Variants in ASB18 observed in about 807,000 individuals in gnomAD.
ASB18 encodes the protein ankyrin repeat and SOCS box containing 18.
ASB18 carries 33 observed loss-of-function variants against 33.4 expected under a neutral mutation model. That is an observed-to-expected ratio of 0.99 (90% CI 0.75 to 1.32). ASB18 has a LOEUF of 1.32. Among genes scored for constraint, ASB18 ranks in the 40% most tolerant of loss-of-function variants. The probability of loss-of-function intolerance (pLI) is 0.00; values close to 1 mark genes in which losing one functional copy is unlikely to be tolerated. For synonymous variants in ASB18, 295 were observed against 307.6 expected, an observed-to-expected ratio of 0.96 and a Z score of 0.43; for missense variants, 694 against 655.5, an observed-to-expected ratio of 1.06 and a Z score of -0.64.
rs2060693721 is a variant in ASB18 at position 236,256,692 on chromosome 2, T to C, written c.205+7449A>G. On this transcript the variant is annotated intron_variant, in intron 1 of 5. Transcript: ENST00000409749. The surrounding 1 kb of genome is among the most constrained non-coding windows in gnomAD (Gnocchi z 4.7). ...TTATTAGCCCGTTTCTCAATTTTGA[T>C]TCTGAAAATACCCTGATTTAGTCTA... 6.6e-6 allele frequency among the ~76,000 whole-genome samples: 1 copy of C among 152,230 alleles called. No homozygotes were observed. Among genetic ancestry groups the C allele is most frequent in the South Asian group, 2.1e-4 (1 of 4,836 alleles).
chr2:236,232,395 T>C (rs75014662), intron 3 of ASB18, among the ~76,000 whole-genome samples: 1,592 of 152,000 alleles, frequency 0.01, 24 homozygotes, highest in African/African-American at 0.036. Context: ...TTAAAAAACA[T>C]GAAAGTTCCT....
rs990409269 is a variant in ASB18, at chr2:236,253,246, C to T, written c.205+10895G>A. On this transcript the variant is annotated intron_variant, in intron 1 of 5. Coordinates refer to ENST00000409749, the MANE Select transcript of ASB18 (RefSeq NM_212556.4). This position sits in a 1 kb window ranked among gnomAD's most constrained non-coding sequence, Gnocchi z 5.4. The stretch of plus-strand genomic sequence containing the variant: ...ATGTGCAAACGCCAGGAAGGGACTG[C>T]GGACTGAGGTGTTGTGGAGATGTGG... 1.6e-4 allele frequency among the ~76,000 whole-genome samples: 25 copies of T among 152,264 alleles called. No individual in the cohort carries two copies. Among genetic ancestry groups the T allele is most frequent in the Admixed American group, 6.5e-4 (10 of 15,276 alleles).
chr2:236,217,422 A>AAAAAT lies in ASB18; in HGVS notation c.597-2557_597-2556insATTTT, dbSNP rs2060493039. ...AGCGAGACTCTGTCTCAAAAAAAAA[A>AAAAAT]AAAAATAAATCTTGGCACCTTCAAC... On this transcript the variant is annotated intron_variant, in intron 3 of 5. Coordinates refer to ENST00000409749, the MANE Select transcript of ASB18 (RefSeq NM_212556.4). The surrounding 1 kb of genome is among the most constrained non-coding windows in gnomAD (Gnocchi z 5.2). 8.1e-6 allele frequency among the ~76,000 whole-genome samples: 1 copy of AAAAAT among 123,332 alleles called. No individual in the cohort carries two copies. Among genetic ancestry groups the AAAAAT allele is most frequent in the African/African-American group, 4.3e-5 (1 of 23,454 alleles). The allele number at this position is 123,332 out of a possible 152,430, so 80.9% of individuals were successfully genotyped here. A position where few individuals can be genotyped will look rare whatever the true frequency, so the allele number is the denominator to read the frequency against.
chr2:236,233,305 A>G (rs989715707), intron 3 of ASB18, among the ~76,000 whole-genome samples: 1 of 152,156 alleles, frequency 6.6e-6, no homozygotes, highest in African/African-American at 2.4e-5. Flanking sequence ...GAAAAAAGGA[A>G]TCTGCAAAAT....
At chr2:236,243,000 A>G (rs1429382099) in intron 1 of ASB18, among the ~76,000 whole-genome samples, 1 of 118,698 alleles carries the variant, frequency 8.4e-6, no homozygotes, top group Non-Finnish European at 1.6e-5. Context: ...CAGCCTGGGC[A>G]GTGGAGTGAG....
chr2:236,220,060 C>T lies in ASB18; in HGVS notation c.597-5194G>A, dbSNP rs1480201881. Among the ~76,000 whole-genome samples, 3 of 152,096 alleles carry T rather than the reference C, an allele frequency of 2.0e-5. No individual in the cohort carries two copies. In the East Asian group the frequency reaches 5.8e-4, roughly 29 times the overall value. On this transcript the variant is annotated intron_variant, in intron 3 of 5. Transcript: ENST00000409749. The surrounding 1 kb of genome is among the most constrained non-coding windows in gnomAD (Gnocchi z 5.1). ...TGCAATGACAGGTTGTTACAGGGGC[C>T]CAGGGTTAACAGCAGAAAGAAAAAG...
At position 236,193,607 on chromosome 2, in the gene ASB18, A is replaced by C. The variant is rs2060357365; in HGVS notation, c.*1265T>G. 6.6e-6 allele frequency among the ~76,000 whole-genome samples: 1 copy of C among 151,792 alleles called. No homozygotes were observed. Among genetic ancestry groups the C allele is most frequent in the Non-Finnish European group, 1.5e-5 (1 of 67,930 alleles). On this transcript the variant is annotated 3_prime_UTR_variant, in exon 6 of 6. Transcript: ENST00000409749. The surrounding 1 kb of genome is among the most constrained non-coding windows in gnomAD (Gnocchi z 5.0). Reference sequence around the variant, plus strand: ...AGATCGGGAGTTTGAGACCAGCCTGACGAACATGGAGAAACCCCGTCTCTA... The same window carrying C: ...AGATCGGGAGTTTGAGACCAGCCTGCCGAACATGGAGAAACCCCGTCTCTA...
In ASB18 at chr2:236,257,681, G is replaced by A. The variant is rs539696843; in HGVS notation, c.205+6460C>T. Among the ~76,000 whole-genome samples, 7 of 152,306 alleles carry A rather than the reference G, an allele frequency of 4.6e-5. No individual in the cohort carries two copies. The highest frequency in any genetic ancestry group is 1.3e-4 in the Admixed American group (2 of 15,298). ...AGGCAGCAAGAGCCCCTGACTACAA[G>A]TCAGGAAGCATACCTGCTCCTGCTC... is the stretch of plus-strand genomic sequence containing the variant. On this transcript the variant is annotated intron_variant, in intron 1 of 5. Transcript: ENST00000409749. This position sits in a 1 kb window ranked among gnomAD's most constrained non-coding sequence, Gnocchi z 5.5.
At position 236,237,520 on chromosome 2, in the gene ASB18, G is replaced by A. The variant is rs1449074733; in HGVS notation, c.596+169C>T. 1.3e-5 allele frequency among the ~76,000 whole-genome samples: 2 copies of A among 151,068 alleles called. No homozygotes were observed. Among genetic ancestry groups the A allele is most frequent in the East Asian group, 3.9e-4 (2 of 5,104 alleles). On this transcript the variant is annotated intron_variant, in intron 3 of 5. Transcript: ENST00000409749. The surrounding 1 kb of genome is among the most constrained non-coding windows in gnomAD (Gnocchi z 6.2). ...GAGGCAGGGGCCGGGGTAGGGACGG[G>A]GCGGATGCGGGTCTGGGGATCCAGT...
rs748413444 is a variant in ASB18 at position 236,195,095 on chromosome 2, G to A, written c.1216-38C>T. 1.9e-5 allele frequency: 30 copies of A among 1,574,602 alleles called. No homozygotes were observed. The highest frequency in any genetic ancestry group is 2.2e-4 in the Middle Eastern group (1 of 4,548). ...GCAGGTGGATTAGAAATCTGGGCAC[G>A]TGGAACCAACATACGTTTTCTTCTT... On this transcript the variant is annotated intron_variant, in intron 5 of 5. Transcript: ENST00000409749. The surrounding 1 kb of genome is among the most constrained non-coding windows in gnomAD (Gnocchi z 5.5).
rs574295273 is a variant in ASB18 at position 236,253,935 on chromosome 2, C to G, written c.205+10206G>C. On this transcript the variant is annotated intron_variant, in intron 1 of 5. Transcript: ENST00000409749. This position sits in a 1 kb window ranked among gnomAD's most constrained non-coding sequence, Gnocchi z 5.4. ...GTGCAGGGATGCCGGGAGAGAATGG[C>G]AGGGATGCCAGAGTTAGCTCAGGGT... 7 of 152,280 alleles carry G rather than the reference C, an allele frequency of 4.6e-5. No individual in the cohort carries two copies. The highest frequency in any genetic ancestry group is 3.9e-4 in the Admixed American group (6 of 15,296). The allele number at this position is 152,280 out of a possible 1,614,324, so 9.4% of individuals were successfully genotyped here.
Position 236,237,657 on chromosome 2 carries a change from C to T in ASB18, c.596+32G>A, listed in dbSNP as rs1165755994. 1 of 1,362,690 alleles carries T rather than the reference C, an allele frequency of 7.3e-7. No homozygotes were observed. Among genetic ancestry groups the T allele is most frequent in the Non-Finnish European group, 9.4e-7 (1 of 1,064,714 alleles). 84.4% of individuals were successfully genotyped at this position (1,362,690 alleles called of 1,614,324 possible). On this transcript the variant is annotated intron_variant, in intron 3 of 5. Transcript: ENST00000409749. This position sits in a 1 kb window ranked among gnomAD's most constrained non-coding sequence, Gnocchi z 6.2. Reference sequence around the variant, plus strand: ...GCGGGCGTCTGGTCTCGGGGCGGGGCGGACGCCGCGGGCCTGTCCCGAGGT... The same window carrying T: ...GCGGGCGTCTGGTCTCGGGGCGGGGTGGACGCCGCGGGCCTGTCCCGAGGT...
chr2:236,214,282 G>T lies in ASB18; in HGVS notation c.1101+80C>A. On this transcript the variant is annotated intron_variant, in intron 4 of 5. Transcript: ENST00000409749. The surrounding 1 kb of genome is among the most constrained non-coding windows in gnomAD (Gnocchi z 6.5). ...TGGGCCATTACACTTTGAGAGCGCC[G>T]CATGCAACCCAGCTCCCAGGCCGGT... is the stretch of plus-strand genomic sequence containing the variant. 2 of 1,423,174 alleles carry T rather than the reference G, an allele frequency of 1.4e-6. No homozygotes were observed. The highest frequency in any genetic ancestry group is 1.9e-6 in the Non-Finnish European group (2 of 1,063,110). The allele number at this position is 1,423,174 out of a possible 1,614,324, so 88.2% of individuals were successfully genotyped here.
Position 236,252,907 on chromosome 2 carries a change from C to G in ASB18, c.205+11234G>C, listed in dbSNP as rs1056131880. Among the ~76,000 whole-genome samples the G allele has an allele frequency of 6.6e-6, 1 of 152,216 alleles. No homozygotes were observed. Among genetic ancestry groups the G allele is most frequent in the African/African-American group, 2.4e-5 (1 of 41,458 alleles). On this transcript the variant is annotated intron_variant, in intron 1 of 5. Coordinates refer to ENST00000409749, the MANE Select transcript of ASB18 (RefSeq NM_212556.4). The surrounding 1 kb of genome is among the most constrained non-coding windows in gnomAD (Gnocchi z 7.9). ...AGAGCTGCATCACCTAAGAACACTC[C>G]TCCCAACGTGGCCAGATCCAGTGAT... is the stretch of plus-strand genomic sequence containing the variant.
In ASB18 at chr2:236,225,892, G is replaced by T. The variant is rs757643013; in HGVS notation, c.597-11026C>A. On this transcript the variant is annotated intron_variant, in intron 3 of 5. Transcript: ENST00000409749. This position sits in a 1 kb window ranked among gnomAD's most constrained non-coding sequence, Gnocchi z 5.1. ...CAACTAAAAGGGGATGGAGCAGAAC[G>T]GGGTCCCTAGGTGTGGAGACCATTG... Among the ~76,000 whole-genome samples, 2 of 152,070 alleles carry T rather than the reference G, an allele frequency of 1.3e-5. No homozygotes were observed.
At chr2:236,242,566 T>G (rs1559336604) in intron 1 of ASB18, among the ~76,000 whole-genome samples, 2 of 152,202 alleles carry the variant, frequency 1.3e-5, no homozygotes, top group African/African-American at 4.8e-5. Flanking sequence ...GTGATTCTCC[T>G]ACTTCAGCCT....
In ASB18 at chr2:236,264,141, C is replaced by T. The variant is rs748002810; in HGVS notation, c.205G>A (p.Gly69Arg). 6.2e-7 allele frequency: 1 copy of T among 1,613,644 alleles called. No individual in the cohort carries two copies. Among genetic ancestry groups the T allele is most frequent in the Non-Finnish European group, 8.5e-7 (1 of 1,179,798 alleles). ...SAQLPTGMLL[G>R]DLDHLKPLMD... ...GATGCAGCAGGCTCGTTCTGGTTAC[C>T]TAGCAGCATGCCGGTGGGCAGCTGA... is the stretch of plus-strand genomic sequence containing the variant. The change falls in exon 1 of 6, where the codon GGG (glycine) becomes AGG (arginine). Residue 69 changes from glycine to arginine, a missense_variant and splice_region_variant. By Grantham distance (125) the Gly-to-Arg change is moderately radical (BLOSUM62 -2). Transcript: ENST00000409749. This position sits in a 1 kb window ranked among gnomAD's most constrained non-coding sequence, Gnocchi z 5.1.
Position 236,195,154 on chromosome 2 carries a change from T to G in ASB18, c.1216-97A>C. 2 of 1,127,868 alleles carry G rather than the reference T, an allele frequency of 1.8e-6. No homozygotes were observed. The highest frequency in any genetic ancestry group is 5.1e-5 in the East Asian group (2 of 39,172). The allele number at this position is 1,127,868 out of a possible 1,614,324, so 69.9% of individuals were successfully genotyped here. A position where few individuals can be genotyped will look rare whatever the true frequency, so the allele number is the denominator to read the frequency against. ...CACTGATGGTACAAGCGGGCTTTTC[T>G]ATGGCTAACTGATCCCAGATAAGCG... On this transcript the variant is annotated intron_variant, in intron 5 of 5. Transcript: ENST00000409749. The surrounding 1 kb of genome is among the most constrained non-coding windows in gnomAD (Gnocchi z 5.5).
In ASB18 at chr2:236,223,164, C is replaced by A. The variant is rs1324144224; in HGVS notation, c.597-8298G>T. On this transcript the variant is annotated intron_variant, in intron 3 of 5. Transcript: ENST00000409749. The surrounding 1 kb of genome is among the most constrained non-coding windows in gnomAD (Gnocchi z 4.6). ...CCCAGCATTATGCTTCCTGTACAGCCTGCAGAACTGTGAGCCAATTAAGCT... is the reference window on the plus strand; with the variant it reads ...CCCAGCATTATGCTTCCTGTACAGCATGCAGAACTGTGAGCCAATTAAGCT... Among the ~76,000 whole-genome samples, 1 of 152,202 alleles carries A rather than the reference C, an allele frequency of 6.6e-6. No homozygotes were observed. The highest frequency in any genetic ancestry group is 1.5e-5 in the Non-Finnish European group (1 of 68,038).
Sources: allele counts gnomAD v4.1 joint callset (sites outside exome capture counted in the v4.1 genomes callset), GRCh38; gene constraint gnomAD v4.1.1; non-coding constraint Gnocchi (gnomAD v3.1); transcripts MANE v1.5; gene names NCBI Gene and HGNC (gene_info 2026-07-23, HGNC 2026-07-21).